Variants in XPO4 observed in about 807,000 individuals in gnomAD.
The protein encoded by XPO4 is exportin-4.
Under a neutral mutation model 143.0 loss-of-function variants are expected in XPO4, and 39 were observed. The ratio of observed to expected loss-of-function variants is 0.27; its 90% CI spans 0.21 to 0.36. The LOEUF is 0.36. Ranked by LOEUF, XPO4 falls within the 10% of genes least tolerant of loss-of-function variation. The pLI, the probability that XPO4 is intolerant of heterozygous loss-of-function variation, is 1.00. For missense variants in XPO4, 907 were observed against 1,348.0 expected, an observed-to-expected ratio of 0.67 and a Z score of 5.12; for synonymous variants, 439 against 474.0, an observed-to-expected ratio of 0.93 and a Z score of 0.96.
At chr13:20,872,719 C>T (rs7325722) in intron 1 of XPO4, among the ~76,000 whole-genome samples, 124,718 of 152,118 alleles carry the variant, frequency 0.82, 51,301 homozygotes, top group East Asian at 1. Context: ...GTCACACTAT[C>T]AGTAAGAAGC....
At position 20,843,016 on chromosome 13, in the gene XPO4, A is replaced by T; in HGVS notation, c.606T>A (p.Thr202=). 6.2e-7 allele frequency: 1 copy of T among 1,612,800 alleles called. No homozygotes were observed. The highest frequency in any genetic ancestry group is 1.1e-5 in the South Asian group (1 of 90,886). Residue 202 remains threonine, a synonymous_variant, in exon 6 of 23, where the codon ACT becomes ACA. Transcript: ENST00000255305. ...EEDLRQIFML[T]VEVLQEFSRR... ...TGCTGAACTCCTGCAGAACTTCAAC[A>T]GTTAACATGAAGATCTGACGAAGGT...
chr13:20,789,964 G>C (rs1395738150), intron 19 of XPO4, among the ~76,000 whole-genome samples: 1 of 152,162 alleles, frequency 6.6e-6, no homozygotes, highest in Non-Finnish European at 1.5e-5. Context: ...AAGGCATAAT[G>C]TAGTCAGAAT....
intron 1 of XPO4, among the ~76,000 whole-genome samples, chr13:20,890,314 G>T (rs1472447256): frequency 6.6e-6 from 1 of 151,644 alleles, no homozygotes; most frequent in Non-Finnish European, 1.5e-5. Flanking sequence ...GCCAGGCATG[G>T]TGGCCCATGC....
chr13:20,797,117 T>C (rs1457335546), intron 16 of XPO4, 60 bp from the exon 17 acceptor site: 1 of 1,462,600 alleles, frequency 6.8e-7, no homozygotes, highest in African/African-American at 1.4e-5. Context: ...TTTCCTCTGC[T>C]TGGATACATA....
At chr13:20,841,408 G>A (rs1156877741) in intron 6 of XPO4, among the ~76,000 whole-genome samples, 1 of 152,088 alleles carries the variant, frequency 6.6e-6, no homozygotes, top group East Asian at 1.9e-4. Context: ...TTGAAACACT[G>A]AAAGGGGAAA....
chr13:20,804,548 T>G (rs1340423388), intron 13 of XPO4, among the ~76,000 whole-genome samples: 1 of 152,132 alleles, frequency 6.6e-6, no homozygotes, highest in Admixed American at 6.5e-5. Context: ...GCCCGTAGAT[T>G]AGGGGAACCA....
At chr13:20,849,982 T>G (rs2060066697) in intron 4 of XPO4, 1 of 550,734 alleles carries the variant, frequency 1.8e-6, no homozygotes, top group African/African-American at 2.0e-5. Context: ...GGCATGCGCC[T>G]GTAGTCCCAG....
At chr13:20,827,236 T>C in intron 6 of XPO4, 57 bp from the exon 7 acceptor site, 1 of 1,279,394 alleles carries the variant, frequency 7.8e-7, no homozygotes. Context: ...AAAGTATAAG[T>C]ATATCCTAAA....
intron 6 of XPO4, among the ~76,000 whole-genome samples, chr13:20,837,266 A>G (rs1313930764): frequency 6.6e-6 from 1 of 152,196 alleles, no homozygotes; most frequent in Non-Finnish European, 1.5e-5. Flanking sequence ...CCTCAACCCA[A>G]TAGATGGCAG....
chr13:20,821,581 AAC>A lies in XPO4; in HGVS notation c.1173+121_1173+122del, dbSNP rs897715327. ...CCAAATAATTTGCACATCTAAACAA[AAC>A]AGTCACTTTAACAATAGCCAGCACT... is the stretch of plus-strand genomic sequence containing the variant. On this transcript the variant is annotated intron_variant, in intron 9 of 22. Coordinates refer to ENST00000255305, the MANE Select transcript of XPO4 (RefSeq NM_022459.5). 2.5e-5 allele frequency: 28 copies of A among 1,104,856 alleles called. No individual in the cohort carries two copies. In the African/African-American group the frequency reaches 3.7e-4, roughly 15 times the overall value. The allele number at this position is 1,104,856 out of a possible 1,614,324, so 68.4% of individuals were successfully genotyped here.
chr13:20,841,372 C>T (rs2059972041), intron 6 of XPO4, among the ~76,000 whole-genome samples: 1 of 151,796 alleles, frequency 6.6e-6, no homozygotes, highest in African/African-American at 2.4e-5. Context: ...AAAAAACAAA[C>T]AAACAAAAAA....
chr13:20,888,493 G>A (rs1239580886), intron 1 of XPO4, among the ~76,000 whole-genome samples: 1 of 152,110 alleles, frequency 6.6e-6, no homozygotes, highest in African/African-American at 2.4e-5. Context: ...TGAGACTACA[G>A]GTGCAGGCCT....
intron 4 of XPO4, chr13:20,848,330 C>G (rs2060047849): frequency 1.0e-6 from 1 of 985,386 alleles, no homozygotes; most frequent in African/African-American, 1.7e-5. Flanking sequence ...TGGGCTCTAA[C>G]AGTCCAAGAT....
intron 3 of XPO4, among the ~76,000 whole-genome samples, chr13:20,861,078 T>G (rs1484609444): frequency 6.6e-6 from 1 of 152,186 alleles, no homozygotes; most frequent in Non-Finnish European, 1.5e-5. Flanking sequence ...ATGTGTATGT[T>G]TATTGCCATT....
intron 18 of XPO4, among the ~76,000 whole-genome samples, chr13:20,794,063 T>C (rs1263392563): frequency 6.6e-6 from 1 of 152,244 alleles, no homozygotes; most frequent in East Asian, 1.9e-4. Context: ...ACTTCTATTA[T>C]AATCCTTCCT....
intron 4 of XPO4, chr13:20,850,901 T>A (rs2060078436): frequency 7.1e-6 from 7 of 984,912 alleles, no homozygotes; most frequent in Non-Finnish European, 8.4e-6. Context: ...AAATTAGTTA[T>A]CTAATTTAAT....
intron 1 of XPO4, among the ~76,000 whole-genome samples, chr13:20,888,175 CAAAAA>C (rs60114182): frequency 3.3e-5 from 3 of 90,572 alleles, no homozygotes; most frequent in East Asian, 9.6e-4. Context: ...AACTCCATCT[CAAAAA>C]AAAAAAAAAA....
intron 6 of XPO4, among the ~76,000 whole-genome samples, chr13:20,837,764 G>C (rs1024101720): frequency 1.1e-4 from 17 of 152,202 alleles, no homozygotes; most frequent in African/African-American, 3.9e-4. Context: ...AGCAGGCAAA[G>C]AGAGAATGAG....
Position 20,883,472 on chromosome 13 carries a change from T to C in XPO4, c.70-14771A>G, listed in dbSNP as rs79290466. Among the ~76,000 whole-genome samples, 245 of 152,288 alleles carry C rather than the reference T, an allele frequency of 1.6e-3. 1 individual carries two copies. The highest frequency in any genetic ancestry group is 4.6e-3 in the African/African-American group (192 of 41,572). On this transcript the variant is annotated intron_variant, in intron 1 of 22. Transcript: ENST00000255305. ...AAAGAAAAAAGATATTTGTAAGGCA[T>C]AACAGACTAAACTGTATTTCTTAGA...
Sources: allele counts gnomAD v4.1 joint callset (sites outside exome capture counted in the v4.1 genomes callset), GRCh38; gene constraint gnomAD v4.1.1; transcripts MANE v1.5; gene names NCBI Gene and HGNC (gene_info 2026-07-23, HGNC 2026-07-21).